Variants in DNM2 observed in about 807,000 individuals in gnomAD.
DNM2 encodes the protein dynamin-2.
DNM2 carries 15 observed loss-of-function variants against 99.0 expected under a neutral mutation model. The ratio of observed to expected loss-of-function variants is 0.15; its 90% CI spans 0.10 to 0.23. The LOEUF is 0.23. DNM2 is among the 10% of genes least tolerant of loss of function. DNM2 has a pLI of 1.00. For synonymous variants in DNM2, 525 were observed against 481.2 expected, an observed-to-expected ratio of 1.09 and a Z score of -1.19; for missense variants, 742 against 1,189.4, an observed-to-expected ratio of 0.62 and a Z score of 5.53.
chr19:10,762,940 G>A (rs1318956389), intron 2 of DNM2, among the ~76,000 whole-genome samples: 1 of 152,196 alleles, frequency 6.6e-6, no homozygotes, highest in Non-Finnish European at 1.5e-5. Flanking sequence ...ATGCATAGTT[G>A]CATCCTGTTG....
chr19:10,729,306 C>T (rs1208740573), intron 1 of DNM2, among the ~76,000 whole-genome samples: 3 of 151,666 alleles, frequency 2.0e-5, no homozygotes, highest in Non-Finnish European at 1.5e-5. Context: ...TGCAGTAATC[C>T]GAGATCATGC....
chr19:10,830,492 ATCG>A lies in DNM2; in HGVS notation c.2543+117_2543+119del. 1 of 1,227,640 alleles carries A rather than the reference ATCG, an allele frequency of 8.1e-7. No individual in the cohort carries two copies. Among genetic ancestry groups the A allele is most frequent in the Non-Finnish European group, 1.1e-6 (1 of 878,932 alleles). The allele number at this position is 1,227,640 out of a possible 1,614,324, so 76.0% of individuals were successfully genotyped here. A position where few individuals can be genotyped will look rare whatever the true frequency, so the allele number is the denominator to read the frequency against. On this transcript the variant is annotated intron_variant, in intron 20 of 20. Transcript: ENST00000389253. The surrounding 1 kb of genome is among the most constrained non-coding windows in gnomAD (Gnocchi z 4.8). Reference sequence around the variant, plus strand: ...CGTGCCCAGCTGCTGGAGTGGAGGAATCGTCCTCATCCCTATTTGGCTTGCGAG... The same window carrying A: ...CGTGCCCAGCTGCTGGAGTGGAGGAATCCTCATCCCTATTTGGCTTGCGAG...
intron 16 of DNM2, 174 bp from the exon 17 acceptor site, chr19:10,823,614 C>A (rs577330751): frequency 1.1e-5 from 7 of 626,750 alleles, no homozygotes; most frequent in Non-Finnish European, 2.0e-5. Flanking sequence ...TTGTGCACAG[C>A]GCTCTTCTGT....
rs907497428 is a variant in DNM2, at chr19:10,831,580, C to T, written c.*533C>T. 1 of 985,906 alleles carries T rather than the reference C, an allele frequency of 1.0e-6. No homozygotes were observed. The highest frequency in any genetic ancestry group is 1.7e-5 in the African/African-American group (1 of 57,224). 61.1% of individuals were successfully genotyped at this position (985,906 alleles called of 1,614,324 possible). On this transcript the variant is annotated 3_prime_UTR_variant, in exon 21 of 21. Coordinates refer to ENST00000389253, the MANE Select transcript of DNM2 (RefSeq NM_001005361.3). The surrounding 1 kb of genome is among the most constrained non-coding windows in gnomAD (Gnocchi z 4.3). ...CATAGTCCTTCCCGGCCATATTAAC[C>T]ACACAGCCTGAGCCTGGCCCAGCCT...
At chr19:10,728,872 A>G (rs1007371783) in intron 1 of DNM2, among the ~76,000 whole-genome samples, 14 of 151,774 alleles carry the variant, frequency 9.2e-5, no homozygotes, top group African/African-American at 2.9e-4. Flanking sequence ...TCCTGAGCCC[A>G]GGAATTCGAG....
rs1366982576 is a variant in DNM2, at chr19:10,772,487, G to A, written c.244G>A (p.Glu82Lys). ...CTCTCTTCCCTTTCTAGAACATGCC[G>A]AGTTTTTGCACTGCAAGTCCAAAAA... ...QLIFSKTEHA[E>K]FLHCKSKKFT... is the part of the protein sequence containing the mutation. The change falls in exon 3 of 21, where the codon GAG becomes AAG. Residue 82 changes from glutamate to lysine, a missense_variant. This residue lies in a region of DNM2 where 192 missense variants were observed against 358.9 expected (regional missense o/e 0.54). Transcript: ENST00000389253. This position sits in a 1 kb window ranked among gnomAD's most constrained non-coding sequence, Gnocchi z 4.9. 2.5e-6 allele frequency: 4 copies of A among 1,614,024 alleles called. No homozygotes were observed. The highest frequency in any genetic ancestry group is 2.5e-6 in the Non-Finnish European group (3 of 1,180,032).
intron 1 of DNM2, chr19:10,759,533 T>C (rs2070544685): frequency 1.5e-6 from 1 of 649,202 alleles, no homozygotes; most frequent in Admixed American, 2.3e-5. Context: ...TTCTGGTCAC[T>C]ATGACCTTCC....
rs573498027 is a variant in DNM2, at chr19:10,718,612, G to A, written c.161+209G>A. On this transcript the variant is annotated intron_variant, in intron 1 of 20. Coordinates refer to ENST00000389253, the MANE Select transcript of DNM2 (RefSeq NM_001005361.3). ...TCCGGAGCAGGCCCGGGCCCCAGGG[G>A]CGGTGTCACGGGCCAGGGCGCCGTA... is the stretch of plus-strand genomic sequence containing the variant. 3.3e-5 allele frequency: 23 copies of A among 706,206 alleles called. 1 individual carries two copies. The South Asian group carries it at 3.9e-4, about 12-fold the overall frequency. 43.7% of individuals were successfully genotyped at this position (706,206 alleles called of 1,614,324 possible). A position where few individuals can be genotyped will look rare whatever the true frequency, so the allele number is the denominator to read the frequency against.
At chr19:10,782,078 G>A (rs1333634132) in intron 5 of DNM2, among the ~76,000 whole-genome samples, 1 of 152,044 alleles carries the variant, frequency 6.6e-6, no homozygotes, top group Non-Finnish European at 1.5e-5. Context: ...TGTTGCCCGG[G>A]CTGGAGTGCA....
intron 3 of DNM2, among the ~76,000 whole-genome samples, chr19:10,773,520 C>G (rs1188324422): frequency 6.6e-6 from 1 of 150,410 alleles, no homozygotes; most frequent in African/African-American, 2.5e-5. Flanking sequence ...GCAATCTCCA[C>G]TCAATGCAAC....
chr19:10,818,229 C>T lies in DNM2; in HGVS notation c.1672-1751C>T, dbSNP rs2072838072. On this transcript the variant is annotated intron_variant, in intron 15 of 20. Coordinates refer to ENST00000389253, the MANE Select transcript of DNM2 (RefSeq NM_001005361.3). This position sits in a 1 kb window ranked among gnomAD's most constrained non-coding sequence, Gnocchi z 4.3. ...CCGGGCCCCTCTCCTATGCTCTGCT[C>T]CCTCCATGGCCACCGGGCCCCTCTC... 6.6e-6 allele frequency among the ~76,000 whole-genome samples: 1 copy of T among 151,934 alleles called. No homozygotes were observed. Among genetic ancestry groups the T allele is most frequent in the African/African-American group, 2.4e-5 (1 of 41,408 alleles).
At chr19:10,778,762 C>T (rs1321815624) in intron 5 of DNM2, among the ~76,000 whole-genome samples, 1 of 151,898 alleles carries the variant, frequency 6.6e-6, no homozygotes, top group Non-Finnish European at 1.5e-5. Flanking sequence ...TTTTCTATAC[C>T]ATTCATTTGT....
rs560851110 is a variant in DNM2, at chr19:10,786,476, G to A, written c.850-88G>A. 2.1e-5 allele frequency: 33 copies of A among 1,602,176 alleles called. No individual in the cohort carries two copies. In the African/African-American group the frequency reaches 3.7e-4, roughly 18 times the overall value. Reference sequence around the variant, plus strand: ...GGTGGCCGCATAGTGGCACCCTGGTGTTGGCCCTTGGTTGGGGGGAGTGTG... The same window carrying A: ...GGTGGCCGCATAGTGGCACCCTGGTATTGGCCCTTGGTTGGGGGGAGTGTG... On this transcript the variant is annotated intron_variant, in intron 6 of 20. Transcript: ENST00000389253.
At chr19:10,821,723 G>A (rs2072977066) in intron 16 of DNM2, among the ~76,000 whole-genome samples, 2 of 152,260 alleles carry the variant, frequency 1.3e-5, no homozygotes, top group Admixed American at 1.3e-4. Context: ...TAGAGACGGG[G>A]TTTCTCCATA....
intron 1 of DNM2, among the ~76,000 whole-genome samples, chr19:10,743,960 A>AGG (rs2069862644): frequency 6.6e-6 from 1 of 150,644 alleles, no homozygotes; most frequent in Non-Finnish European, 1.5e-5. Flanking sequence ...CACTCCAGCC[A>AGG]GGGCAGCAGA....
intron 7 of DNM2, among the ~76,000 whole-genome samples, chr19:10,787,878 G>A (rs1038230130): frequency 3.4e-4 from 51 of 151,804 alleles, no homozygotes; most frequent in South Asian, 2.3e-3. Flanking sequence ...GCAGTGAGCC[G>A]AGATCGTGCC....
intron 6 of DNM2, among the ~76,000 whole-genome samples, chr19:10,783,761 C>T (rs1159811122): frequency 6.6e-6 from 1 of 151,164 alleles, no homozygotes; most frequent in African/African-American, 2.4e-5. Flanking sequence ...AGTGCAGTGG[C>T]ATGATCTTGG....
rs572329869 is a variant in DNM2 at position 10,816,956 on chromosome 19, G to A, written c.1672-3024G>A. Reference sequence around the variant, plus strand: ...AGCAGTGGGAGAAGGGCCGGGCGCCGGCCGTAATGAGAAACAGCCGACCTG... The same window carrying A: ...AGCAGTGGGAGAAGGGCCGGGCGCCAGCCGTAATGAGAAACAGCCGACCTG... On this transcript the variant is annotated intron_variant, in intron 15 of 20. Coordinates refer to ENST00000389253, the MANE Select transcript of DNM2 (RefSeq NM_001005361.3). The surrounding 1 kb of genome is among the most constrained non-coding windows in gnomAD (Gnocchi z 4.6). Among the ~76,000 whole-genome samples the A allele has an allele frequency of 3.9e-5, 6 of 152,250 alleles. No individual in the cohort carries two copies. The highest frequency in any genetic ancestry group is 7.2e-5 in the African/African-American group (3 of 41,550).
chr19:10,720,339 A>G (rs2068899089), intron 1 of DNM2, among the ~76,000 whole-genome samples: 1 of 150,810 alleles, frequency 6.6e-6, no homozygotes, highest in African/African-American at 2.4e-5. Context: ...CAGCCTCCCG[A>G]GTAGCTGGGA....
Sources: gnomAD v4.1 joint callset for allele counts (sites outside exome capture counted in the v4.1 genomes callset) on GRCh38, gnomAD v4.1.1 for gene constraint, gnomAD v4.1.1 regional missense constraint, Gnocchi (gnomAD v3.1) non-coding constraint, MANE v1.5 for transcripts, NCBI Gene and HGNC (gene_info 2026-07-23, HGNC 2026-07-21) for gene names.